Variants in RAF1 observed in about 807,000 individuals in gnomAD.
RAF1 encodes Raf-1 proto-oncogene, serine/threonine kinase.
A neutral mutation model predicts 81.1 loss-of-function variants in RAF1; 27 were observed. The observed-to-expected ratio is 0.33, with a 90% confidence interval of 0.25 to 0.46. RAF1 has a LOEUF of 0.46. RAF1 is among the 20% of genes least tolerant of loss of function. RAF1 has a pLI of 1.00. For synonymous variants in RAF1, 298 were observed against 294.0 expected, an observed-to-expected ratio of 1.01 and a Z score of -0.14; for missense variants, 598 against 826.0, an observed-to-expected ratio of 0.72 and a Z score of 3.38.
In RAF1 at chr3:12,584,912, C is replaced by T. The variant is rs760009469; in HGVS notation, c.1798G>A (p.Ala600Thr). 8 of 1,614,158 alleles carry T rather than the reference C, an allele frequency of 5.0e-6. No homozygotes were observed. Among genetic ancestry groups the T allele is most frequent in the Non-Finnish European group, 6.8e-6 (8 of 1,180,032 alleles). ...CAGTCAGCTACCAGCCTCTTCATTG[C>T]TTTGGGGCAGTTCTTATATAGCTTA... The change falls in exon 17 of 18, where the codon GCA becomes ACA. Residue 600 changes from alanine to threonine, a missense_variant. By Grantham distance (58) the Ala-to-Thr change is moderately conservative (BLOSUM62 0). This residue lies in a region of RAF1 where 147 missense variants were observed against 196.1 expected (regional missense o/e 0.75). Coordinates refer to ENST00000442415, the MANE Select transcript of RAF1 (RefSeq NM_001354689.3).
At chr3:12,611,110 G>A (rs1191563161) in intron 3 of RAF1, among the ~76,000 whole-genome samples, 2 of 152,080 alleles carry the variant, frequency 1.3e-5, no homozygotes, top group Non-Finnish European at 2.9e-5. Flanking sequence ...ATGCATTAGA[G>A]TAAACACAAA....
At chr3:12,591,996 TTGA>T in intron 11 of RAF1, 1 of 608,632 alleles carries the variant, frequency 1.6e-6, no homozygotes, top group South Asian at 1.9e-5. Context: ...CATTGCAGCC[TTGA>T]CCTCCAGGGC....
intron 1 of RAF1, among the ~76,000 whole-genome samples, chr3:12,652,329 T>C (rs915798544): frequency 3.3e-5 from 5 of 151,370 alleles, no homozygotes; most frequent in African/African-American, 1.2e-4. Flanking sequence ...GAGACCAGCC[T>C]GGCCAACACA....
At chr3:12,628,240 C>G (rs1174539291) in intron 1 of RAF1, among the ~76,000 whole-genome samples, 3 of 152,244 alleles carry the variant, frequency 2.0e-5, no homozygotes, top group Non-Finnish European at 4.4e-5. Context: ...GTACGAAGAT[C>G]ACTTAGGCCC....
chr3:12,584,773 C>A (rs1575530035), intron 17 of RAF1, 74 bp downstream of exon 16: 1 of 1,613,516 alleles, frequency 6.2e-7, no homozygotes, highest in Non-Finnish European at 8.5e-7. Flanking sequence ...CAAAACAAAA[C>A]ACTCCCACCT....
chr3:12,613,746 ACAT>A (rs2059289396), intron 2 of RAF1, among the ~76,000 whole-genome samples: 1 of 152,212 alleles, frequency 6.6e-6, no homozygotes, highest in South Asian at 2.1e-4. Flanking sequence ...GAATTTGAAA[ACAT>A]CAGAGAGGGG....
chr3:12,653,264 AGAGT>A (rs1349105219), intron 1 of RAF1, among the ~76,000 whole-genome samples: 3 of 152,184 alleles, frequency 2.0e-5, no homozygotes, highest in Non-Finnish European at 4.4e-5. Context: ...CCTGGGTGAC[AGAGT>A]GAGACTTTGC....
chr3:12,623,791 C>T (rs1161250610), intron 1 of RAF1, among the ~76,000 whole-genome samples: 241 of 83,590 alleles, frequency 2.9e-3, no homozygotes, highest in African/African-American at 0.012. Flanking sequence ...GAGCGAGACT[C>T]TGTCTCAAAA....
intron 2 of RAF1, among the ~76,000 whole-genome samples, chr3:12,616,039 G>C (rs1163582304): frequency 6.6e-6 from 1 of 151,884 alleles, no homozygotes; most frequent in Non-Finnish European, 1.5e-5. Flanking sequence ...GTGACAGTGA[G>C]AGCCTCCATC....
intron 2 of RAF1, among the ~76,000 whole-genome samples, chr3:12,614,594 G>GTT (rs71063842): frequency 1.1e-4 from 16 of 145,686 alleles, no homozygotes; most frequent in Non-Finnish European, 1.2e-4. Flanking sequence ...TCTAGCTAAT[G>GTT]TTTTTTTTTT....
At chr3:12,640,371 A>G (rs1357827070) in intron 1 of RAF1, among the ~76,000 whole-genome samples, 2 of 152,210 alleles carry the variant, frequency 1.3e-5, no homozygotes, top group Non-Finnish European at 2.9e-5. Flanking sequence ...GACAAATGGG[A>G]TCTAATTAAA....
chr3:12,628,406 A>C (rs1204374955), intron 1 of RAF1, among the ~76,000 whole-genome samples: 1 of 152,176 alleles, frequency 6.6e-6, no homozygotes, highest in Non-Finnish European at 1.5e-5. Flanking sequence ...ATGCACCTGT[A>C]GCCCCAACTA....
intron 2 of RAF1, among the ~76,000 whole-genome samples, chr3:12,616,714 G>A (rs1213301641): frequency 6.6e-6 from 1 of 152,110 alleles, no homozygotes; most frequent in Non-Finnish European, 1.5e-5. Context: ...TCTGGACTGG[G>A]GTTCCCCACC....
At chr3:12,587,062 CT>C (rs2125330528) in intron 14 of RAF1, 1 of 154,280 alleles carries the variant, frequency 6.5e-6, no homozygotes, top group East Asian at 1.9e-4. Context: ...AACTCCTAGC[CT>C]CAAGTGATCC....
In RAF1 at chr3:12,626,594, A is replaced by G. The variant is rs2059709861; in HGVS notation, c.-26-7847T>C. On this transcript the variant is annotated intron_variant, in intron 1 of 17. Transcript: ENST00000442415. ...CGACAGACCGAGACCTTGTCTAAAA[A>G]AAAAAAAGGCATTTAAAAAAAGAAT... Among the ~76,000 whole-genome samples the G allele has an allele frequency of 2.0e-5, 3 of 152,142 alleles. No individual in the cohort carries two copies. The South Asian group carries it at 6.2e-4, about 31-fold the overall frequency.
chr3:12,589,007 CCACAT>C (rs1380036922), intron 13 of RAF1: 1 of 154,616 alleles, frequency 6.5e-6, no homozygotes, highest in African/African-American at 2.4e-5. Flanking sequence ...CTTTCTCTCA[CCACAT>C]CACACGTGGC....
At chr3:12,585,096 G>T in intron 16 of RAF1, 26 bp downstream of exon 15, 3 of 1,614,128 alleles carry the variant, frequency 1.9e-6, no homozygotes, top group Non-Finnish European at 2.5e-6. Flanking sequence ...CACGAGTTGG[G>T]TCCTTTCGCA....
At chr3:12,647,852 A>G (rs1434875497) in intron 1 of RAF1, among the ~76,000 whole-genome samples, 1 of 152,188 alleles carries the variant, frequency 6.6e-6, no homozygotes, top group Non-Finnish European at 1.5e-5. Context: ...GAATAAACAC[A>G]CATGAAGAAA....
chr3:12,646,321 C>A (rs2060346515), intron 1 of RAF1, among the ~76,000 whole-genome samples: 1 of 152,060 alleles, frequency 6.6e-6, no homozygotes, highest in South Asian at 2.1e-4. Context: ...TAATCTACAG[C>A]AAATGGATAA....
Sources: gnomAD v4.1 joint callset for allele counts (sites outside exome capture counted in the v4.1 genomes callset) on GRCh38, gnomAD v4.1.1 for gene constraint, gnomAD v4.1.1 regional missense constraint, MANE v1.5 for transcripts, NCBI Gene and HGNC (gene_info 2026-07-23, HGNC 2026-07-21) for gene names.